The following SLC15A5 variants were observed in gnomAD, a reference collection of about 807,000 sequenced individuals.
The protein encoded by SLC15A5 is Peptide/histidine transporter ENSP00000340402.
A neutral mutation model predicts 56.1 loss-of-function variants in SLC15A5; 58 were observed. The observed-to-expected ratio is 1.03, with a 90% CI of 0.84 to 1.29. SLC15A5 has a LOEUF of 1.29. Among genes scored for constraint, SLC15A5 ranks in the 50% most tolerant of loss-of-function variants. The pLI is 0.00. For missense variants in SLC15A5, 681 were observed against 672.1 expected (o/e 1.01, Z -0.15); for synonymous variants, 264 against 250.5 (o/e 1.05, Z -0.51).
intron 3 of SLC15A5, among the ~76,000 whole-genome samples, chr12:16,246,337 G>A (rs1349309011): frequency 2.6e-5 from 4 of 152,200 alleles, no homozygotes; most frequent in African/African-American, 9.7e-5. Flanking sequence ...TATTATTAGA[G>A]AATGAACTGC....
intron 6 of SLC15A5, among the ~76,000 whole-genome samples, chr12:16,222,276 C>G (rs1864195339): frequency 6.6e-6 from 1 of 152,080 alleles, no homozygotes; most frequent in Admixed American, 6.5e-5. Context: ...TAGTCAGTGA[C>G]AGAACTGGGT....
At chr12:16,209,537 C>G (rs1367536657) in intron 7 of SLC15A5, among the ~76,000 whole-genome samples, 2 of 152,172 alleles carry the variant, frequency 1.3e-5, no homozygotes, top group East Asian at 1.9e-4. Flanking sequence ...TTGGATGTCT[C>G]ACAGGTATGT....
At chr12:16,236,122 A>G (rs925085031) in intron 5 of SLC15A5, among the ~76,000 whole-genome samples, 2 of 152,150 alleles carry the variant, frequency 1.3e-5, no homozygotes, top group Middle Eastern at 3.2e-3. Flanking sequence ...AATTAGGCTG[A>G]TTTTGGTCAG....
intron 1 of SLC15A5, among the ~76,000 whole-genome samples, chr12:16,273,457 C>A (rs1306248521): frequency 2.0e-5 from 3 of 152,010 alleles, no homozygotes; most frequent in African/African-American, 4.8e-5. Context: ...CTTCTCTCTT[C>A]CACCTTGCAG....
intron 5 of SLC15A5, among the ~76,000 whole-genome samples, chr12:16,238,597 T>G (rs527373187): frequency 8.6e-5 from 11 of 128,420 alleles, no homozygotes; most frequent in Non-Finnish European, 1.5e-4. Flanking sequence ...GCCACTGCAC[T>G]CCAGCCTGGG....
intron 3 of SLC15A5, among the ~76,000 whole-genome samples, chr12:16,247,238 T>C (rs1412541968): frequency 6.6e-6 from 1 of 152,158 alleles, no homozygotes. Context: ...GTATCAGATA[T>C]AGTGATATGA....
intron 3 of SLC15A5, among the ~76,000 whole-genome samples, chr12:16,256,913 AATAGATAGATAGATAG>A (rs55965104): frequency 2.0e-3 from 303 of 148,576 alleles, no homozygotes; most frequent in African/African-American, 3.7e-3. Context: ...ATGCATGGGG[AATAGATAGATAGATAG>A]ATAGATAGAT....
chr12:16,235,275 T>C lies in SLC15A5; in HGVS notation c.1162+4406A>G, dbSNP rs1053765388. 7.0e-6 allele frequency among the ~76,000 whole-genome samples: 1 copy of C among 142,522 alleles called. No individual in the cohort carries two copies. Among genetic ancestry groups the C allele is most frequent in the African/African-American group, 2.8e-5 (1 of 35,366 alleles). 93.5% of individuals were successfully genotyped at this position (142,522 alleles called of 152,430 possible). Reference sequence around the variant, plus strand: ...ATATGTGTATATATATGTATATGTATATATATGTATATATGTATATGTATA... The same window carrying C: ...ATATGTGTATATATATGTATATGTACATATATGTATATATGTATATGTATA... On this transcript the variant is annotated intron_variant, in intron 5 of 8. Coordinates refer to ENST00000344941, the MANE Select transcript of SLC15A5 (RefSeq NM_001170798.1). The surrounding 1 kb of genome is among the most constrained non-coding windows in gnomAD (Gnocchi z 4.1).
intron 2 of SLC15A5, among the ~76,000 whole-genome samples, chr12:16,259,181 G>C (rs532839169): frequency 6.8e-6 from 1 of 146,976 alleles, no homozygotes. Context: ...CCACAAGCAC[G>C]CACTACCATA....
chr12:16,266,459 T>C (rs1003828448), intron 2 of SLC15A5, among the ~76,000 whole-genome samples: 1 of 152,188 alleles, frequency 6.6e-6, no homozygotes, highest in Non-Finnish European at 1.5e-5. Flanking sequence ...CCAAAAATTA[T>C]AGTACTGAAT....
intron 8 of SLC15A5, among the ~76,000 whole-genome samples, chr12:16,193,856 G>C (rs1863867968): frequency 7.3e-6 from 1 of 137,728 alleles, no homozygotes; most frequent in African/African-American, 2.7e-5. Context: ...GCTGGCAATG[G>C]ATGGGTGGAT....
In SLC15A5 at chr12:16,268,094, T is replaced by C. The variant is rs753754732; in HGVS notation, c.584+4467A>G. ...TACCTTTCAAGCTTAAAAGAGAACATGCGCCCGGCTCTGTGGCTCATGCCT... is the reference window on the plus strand; with the variant it reads ...TACCTTTCAAGCTTAAAAGAGAACACGCGCCCGGCTCTGTGGCTCATGCCT... On this transcript the variant is annotated intron_variant, in intron 2 of 8. Transcript: ENST00000344941. 7.9e-5 allele frequency among the ~76,000 whole-genome samples: 9 copies of C among 114,320 alleles called. 2 individuals carry two copies. Among genetic ancestry groups the C allele is most frequent in the Non-Finnish European group, 1.7e-4 (9 of 54,144 alleles). 75.0% of individuals were successfully genotyped at this position (114,320 alleles called of 152,430 possible).
At chr12:16,244,463 A>G (rs892707056) in intron 4 of SLC15A5, 117 bp downstream of exon 4, 61 of 906,960 alleles carry the variant, frequency 6.7e-5, no homozygotes, top group Admixed American at 2.1e-4. Context: ...CTGTGGGGAT[A>G]ACTGCCTGCC....
chr12:16,191,097 G>A (rs1485643984), intron 8 of SLC15A5, among the ~76,000 whole-genome samples: 1 of 152,090 alleles, frequency 6.6e-6, no homozygotes, highest in Admixed American at 6.6e-5. Context: ...CCTCGAGTAT[G>A]ACATGTCACT....
At chr12:16,201,387 A>C (rs943761580) in intron 7 of SLC15A5, among the ~76,000 whole-genome samples, 2 of 152,162 alleles carry the variant, frequency 1.3e-5, no homozygotes, top group African/African-American at 4.8e-5. Flanking sequence ...AAAAACAGAC[A>C]CATAGACAAA....
At chr12:16,222,649 T>A (rs1029673748) in intron 6 of SLC15A5, among the ~76,000 whole-genome samples, 2 of 152,202 alleles carry the variant, frequency 1.3e-5, no homozygotes, top group East Asian at 1.9e-4. Flanking sequence ...TAGGCCTGAT[T>A]TCCTGGAGTA....
At chr12:16,207,203 C>G (rs541373490) in intron 7 of SLC15A5, among the ~76,000 whole-genome samples, 1 of 152,026 alleles carries the variant, frequency 6.6e-6, no homozygotes, top group Non-Finnish European at 1.5e-5. Flanking sequence ...TAGTAGGAAA[C>G]CAATATGTAT....
chr12:16,215,148 G>T (rs1591644517), intron 7 of SLC15A5, among the ~76,000 whole-genome samples: 1 of 148,574 alleles, frequency 6.7e-6, no homozygotes, highest in African/African-American at 2.5e-5. Flanking sequence ...GGTTGCAGTG[G>T]GCCGAGATCG....
intron 7 of SLC15A5, among the ~76,000 whole-genome samples, chr12:16,198,113 A>G (rs1327317375): frequency 1.3e-5 from 2 of 152,168 alleles, no homozygotes; most frequent in African/African-American, 4.8e-5. Flanking sequence ...TACTTTCATA[A>G]TATAACCAGC....
Sources: gnomAD v4.1 joint callset for allele counts (sites outside exome capture counted in the v4.1 genomes callset) on GRCh38, gnomAD v4.1.1 for gene constraint, Gnocchi (gnomAD v3.1) non-coding constraint, MANE v1.5 for transcripts, NCBI Gene and HGNC (gene_info 2026-07-23, HGNC 2026-07-21) for gene names.